R3HDM1: variants seen among roughly 807,000 people sequenced by gnomAD.
R3HDM1 encodes R3H domain-containing protein 1.
Under a neutral mutation model 141.1 loss-of-function variants are expected in R3HDM1, and 46 were observed. The observed-to-expected ratio is 0.33, with a 90% CI of 0.26 to 0.42. The LOEUF (loss-of-function observed/expected upper bound fraction) is 0.42, where lower values mean the gene tolerates loss of function less well. Ranked by LOEUF, R3HDM1 falls within the 10% of genes least tolerant of loss-of-function variation. R3HDM1 has a pLI of 1.00. For missense variants in R3HDM1, 1,184 were observed against 1,368.3 expected (o/e 0.87, Z 2.12); for synonymous variants, 435 against 472.9 (o/e 0.92, Z 1.04).
rs35183953 is a variant in R3HDM1 at position 135,702,217 on chromosome 2, G to GAAAAAAAAA, written c.2460-7201_2460-7193dup. On this transcript the variant is annotated intron_variant, in intron 21 of 26. Transcript: ENST00000683871. ...ACAGAGCAAGACGTTGTCTCAGGGG[G>GAAAAAAAAA]AAAAAAAAAAAAAAAAAAAAAAAGG... Among the ~76,000 whole-genome samples, 430 of 120,754 alleles carry GAAAAAAAAA rather than the reference G, an allele frequency of 3.6e-3. 7 individuals carry two copies. Among genetic ancestry groups the GAAAAAAAAA allele is most frequent in the African/African-American group, 0.016 (414 of 25,276 alleles). 79.2% of individuals were successfully genotyped at this position (120,754 alleles called of 152,430 possible). A position where few individuals can be genotyped will look rare whatever the true frequency, so the allele number is the denominator to read the frequency against.
At chr2:135,700,135 G>A (rs1342175326) in intron 21 of R3HDM1, among the ~76,000 whole-genome samples, 1 of 151,486 alleles carries the variant, frequency 6.6e-6, no homozygotes, top group East Asian at 1.9e-4. Context: ...AATTATAACA[G>A]TGCTATTATT....
At chr2:135,555,006 TTAAAAG>T (rs1431514670) in intron 1 of R3HDM1, among the ~76,000 whole-genome samples, 3 of 151,986 alleles carry the variant, frequency 2.0e-5, no homozygotes, top group East Asian at 1.9e-4. Context: ...AGTAGTAAAC[TTAAAAG>T]TAAAATAAGT....
At chr2:135,588,118 A>C (rs1708367557) in intron 1 of R3HDM1, among the ~76,000 whole-genome samples, 2 of 137,070 alleles carry the variant, frequency 1.5e-5, no homozygotes, top group Admixed American at 7.4e-5. Context: ...TGCCCCTCTG[A>C]CTCTCTCTCC....
At chr2:135,554,541 G>C (rs1053808536) in intron 1 of R3HDM1, among the ~76,000 whole-genome samples, 6 of 152,164 alleles carry the variant, frequency 3.9e-5, no homozygotes, top group Non-Finnish European at 7.3e-5. Flanking sequence ...CAGAATTGCT[G>C]GGTCATATTG....
Position 135,621,616 on chromosome 2 carries a change from GTTC to G in R3HDM1, c.418+11_418+13del, listed in dbSNP as rs759388228. On this transcript the variant is annotated intron_variant, in intron 6 of 26. Transcript: ENST00000683871. ...GAAAAATGTTATCAAGAGGTTTGCA[GTTC>G]TTTTGTTTTTTTTTAAAAAAAAATT... The G allele has an allele frequency of 2.6e-6, 4 of 1,533,988 alleles. No homozygotes were observed. The highest frequency in any genetic ancestry group is 1.7e-4 in the Middle Eastern group (1 of 5,728).
rs188063030 is a variant in R3HDM1, at chr2:135,561,791, A to T, written c.-250+30158A>T. 5.3e-5 allele frequency among the ~76,000 whole-genome samples: 8 copies of T among 152,340 alleles called. No homozygotes were observed. In the East Asian group the frequency reaches 1.5e-3, roughly 29 times the overall value. ...AATATAATAAACTACATTTAACTTT[A>T]GAAAAATTAACTACACAAGCGGTAA... is the stretch of plus-strand genomic sequence containing the variant. On this transcript the variant is annotated intron_variant, in intron 1 of 26. Coordinates refer to ENST00000683871, the MANE Select transcript of R3HDM1 (RefSeq NM_001378107.1).
chr2:135,544,303 T>C (rs1573605615), intron 1 of R3HDM1, among the ~76,000 whole-genome samples: 1 of 152,302 alleles, frequency 6.6e-6, no homozygotes, highest in African/African-American at 2.4e-5. Context: ...TGTCAATTGT[T>C]GACTCCCAAA....
At chr2:135,715,768 T>C in intron 24 of R3HDM1, 74 bp downstream of exon 24, 1 of 1,505,222 alleles carries the variant, frequency 6.6e-7, no homozygotes, top group Non-Finnish European at 9.0e-7. Flanking sequence ...GTAATTTATC[T>C]TGGTAATATT....
At chr2:135,622,821 A>C (rs1350164273) in intron 7 of R3HDM1, 89 bp downstream of exon 7, 1 of 1,391,336 alleles carries the variant, frequency 7.2e-7, no homozygotes, top group Admixed American at 2.9e-5. Context: ...GAGTAATAGA[A>C]TAAGATTGCA....
intron 19 of R3HDM1, among the ~76,000 whole-genome samples, chr2:135,672,527 C>G (rs1421205284): frequency 6.6e-6 from 1 of 151,890 alleles, no homozygotes; most frequent in African/African-American, 2.4e-5. Flanking sequence ...TTTCATAAGA[C>G]TCTATTTATA....
At chr2:135,583,121 C>T (rs969350442) in intron 1 of R3HDM1, among the ~76,000 whole-genome samples, 1 of 152,172 alleles carries the variant, frequency 6.6e-6, no homozygotes, top group African/African-American at 2.4e-5. Flanking sequence ...ATATACCAAC[C>T]ATGTGTATAC....
rs138978383 is a variant in R3HDM1, at chr2:135,561,442, C to T, written c.-250+29809C>T. The T allele has an allele frequency of 1.8e-5, 13 of 721,074 alleles. 1 individual carries two copies. The highest frequency in any genetic ancestry group is 1.4e-3 in the Middle Eastern group (2 of 1,426). The allele number at this position is 721,074 out of a possible 1,614,324, so 44.7% of individuals were successfully genotyped here. On this transcript the variant is annotated intron_variant, in intron 1 of 26. Coordinates refer to ENST00000683871, the MANE Select transcript of R3HDM1 (RefSeq NM_001378107.1). ...TTAAAAAATGTTAAGCTTGGTGGGA[C>T]GTGGTGGCTCACACTTGAAATCCCA... is the stretch of plus-strand genomic sequence containing the variant.
Position 135,621,617 on chromosome 2 carries a change from TTC to T in R3HDM1, c.418+11_418+12del. The T allele has an allele frequency of 6.5e-7, 1 of 1,532,668 alleles. No homozygotes were observed. The highest frequency in any genetic ancestry group is 8.7e-7 in the Non-Finnish European group (1 of 1,150,694). The allele number at this position is 1,532,668 out of a possible 1,614,324, so 94.9% of individuals were successfully genotyped here. A position where few individuals can be genotyped will look rare whatever the true frequency, so the allele number is the denominator to read the frequency against. The stretch of plus-strand genomic sequence containing the variant: ...AAAAATGTTATCAAGAGGTTTGCAG[TTC>T]TTTTGTTTTTTTTTAAAAAAAAATT... On this transcript the variant is annotated intron_variant, in intron 6 of 26. Transcript: ENST00000683871.
chr2:135,576,204 C>T (rs1052125165), intron 1 of R3HDM1, among the ~76,000 whole-genome samples: 4 of 151,876 alleles, frequency 2.6e-5, no homozygotes, highest in African/African-American at 9.7e-5. Context: ...TTGAGACCAC[C>T]CTGGATAACA....
intron 26 of R3HDM1, 74 bp downstream of exon 26, chr2:135,722,627 A>G (rs955007862): frequency 3.5e-6 from 5 of 1,414,686 alleles, no homozygotes; most frequent in East Asian, 2.3e-5. Flanking sequence ...CAGCACAGAA[A>G]TGGGTTTTCC....
intron 26 of R3HDM1, 110 bp downstream of exon 26, chr2:135,722,663 A>G: frequency 1.9e-6 from 2 of 1,077,426 alleles, no homozygotes; most frequent in Non-Finnish European, 2.6e-6. Flanking sequence ...GCAAAAAGTC[A>G]TAATTTTTGC....
At chr2:135,634,486 C>CA (rs1024814123) in intron 9 of R3HDM1, among the ~76,000 whole-genome samples, 16 of 151,800 alleles carry the variant, frequency 1.1e-4, no homozygotes, top group African/African-American at 3.6e-4. Flanking sequence ...ACTAAAAATA[C>CA]AAAAAAAATT....
At chr2:135,593,513 G>A (rs1418123091) in intron 1 of R3HDM1, among the ~76,000 whole-genome samples, 1 of 152,074 alleles carries the variant, frequency 6.6e-6, no homozygotes, top group Admixed American at 6.5e-5. Context: ...GTTATCCCCA[G>A]GATTATCCAG....
At chr2:135,679,193 A>T (rs2069783585) in intron 20 of R3HDM1, among the ~76,000 whole-genome samples, 1 of 149,552 alleles carries the variant, frequency 6.7e-6, no homozygotes, top group African/African-American at 2.5e-5. Flanking sequence ...TAAATTAAGA[A>T]CCCTTTATGC....
Sources: gnomAD v4.1 joint callset for allele counts (sites outside exome capture counted in the v4.1 genomes callset) on GRCh38, gnomAD v4.1.1 for gene constraint, MANE v1.5 for transcripts, NCBI Gene and HGNC (gene_info 2026-07-23, HGNC 2026-07-21) for gene names.